ZNF837: variants seen among roughly 807,000 people sequenced by gnomAD.
ZNF837 encodes the protein zinc finger protein 837.
For missense variants in ZNF837, 955 were observed against 801.7 expected (o/e 1.19, Z -2.31); for synonymous variants, 475 against 365.2 (o/e 1.30, Z -3.43).
intron 1 of ZNF837, 104 bp from the exon 2 acceptor site, chr19:58,370,032 C>T (rs1279995687): frequency 6.6e-6 from 1 of 152,214 alleles, no homozygotes; most frequent in Non-Finnish European, 1.5e-5. Context: ...CTGGCGCCTG[C>T]TATTACTATT....
chr19:58,377,083 GGC>G (rs1388165684), intron 1 of ZNF837, among the ~76,000 whole-genome samples: 1 of 151,552 alleles, frequency 6.6e-6, no homozygotes, highest in African/African-American at 2.4e-5. Flanking sequence ...CAGGCGAGGT[GGC>G]GCGCACCTGT....
intron 1 of ZNF837, among the ~76,000 whole-genome samples, chr19:58,375,290 A>ATATATATG (rs1178276785): frequency 5.7e-5 from 4 of 69,626 alleles, no homozygotes; most frequent in African/African-American, 1.7e-4. Context: ...ATATATATAT[A>ATATATATG]TATATATATA....
chr19:58,373,523 T>G (rs1178162446), intron 1 of ZNF837, among the ~76,000 whole-genome samples: 3 of 152,204 alleles, frequency 2.0e-5, no homozygotes, highest in Non-Finnish European at 2.9e-5. Flanking sequence ...AAACATCCCC[T>G]TCCCAAACAC....
rs1349477792 is a variant in ZNF837, at chr19:58,372,189, G to A, written c.-139-2261C>T. On this transcript the variant is annotated intron_variant, in intron 1 of 2. Transcript: ENST00000597582. ...CCTGCCTAAGCCTCCTGAGTAGCTG[G>A]GATTATAGGCATTCACCACCAAGCC... is the stretch of plus-strand genomic sequence containing the variant. Among the ~76,000 whole-genome samples, 5 of 151,992 alleles carry A rather than the reference G, an allele frequency of 3.3e-5. No homozygotes were observed. The East Asian group carries it at 9.7e-4, about 30-fold the overall frequency.
Position 58,367,979 on chromosome 19 carries a change from A to C in ZNF837, c.1354T>G (p.Cys452Gly). The C allele has an allele frequency of 6.5e-7, 1 of 1,532,262 alleles. No individual in the cohort carries two copies. Among genetic ancestry groups the C allele is most frequent in the Non-Finnish European group, 8.7e-7 (1 of 1,143,840 alleles). 94.9% of individuals were successfully genotyped at this position (1,532,262 alleles called of 1,614,324 possible). A position where few individuals can be genotyped will look rare whatever the true frequency, so the allele number is the denominator to read the frequency against. ...GAGCAGCCGCGGAAGGTCTTTCCGC[A>C]CTCGGAGCAGCCATAGGGCCGCTCG... The part of the protein sequence containing the change: ...TGERPYGCSE[C>G]GKTFRGCSEL... The change falls in exon 3 of 3, where the codon TGC becomes GGC. Residue 452 changes from cysteine to glycine, a missense_variant. Cys to Gly is a radical substitution (Grantham distance 159). Coordinates refer to ENST00000597582, the MANE Select transcript of ZNF837 (RefSeq NM_138466.2).
intron 1 of ZNF837, among the ~76,000 whole-genome samples, chr19:58,376,000 C>T (rs1327935720): frequency 6.6e-6 from 1 of 151,882 alleles, no homozygotes. Flanking sequence ...CTCACTGCAA[C>T]CTCTGCCTCC....
At position 58,368,886 on chromosome 19, in the gene ZNF837, C is replaced by T. The variant is rs375869612; in HGVS notation, c.447G>A (p.Pro149=). ...GETPPVCDPC[P]ERIQNHPRTQ... Reference sequence around the variant, plus strand: ...TCCGGGGGTGGTTCTGGATCCGCTCCGGACAGGGGTCACACACGGGTGGCG... The same window carrying T: ...TCCGGGGGTGGTTCTGGATCCGCTCTGGACAGGGGTCACACACGGGTGGCG... The change falls in exon 3 of 3, where the codon CCG becomes CCA. Residue 149 remains proline (P), a synonymous_variant. Transcript: ENST00000597582. 2.5e-5 allele frequency: 38 copies of T among 1,547,964 alleles called. No homozygotes were observed. In the Admixed American group the frequency reaches 7.1e-4, roughly 29 times the overall value.
Position 58,368,447 on chromosome 19 carries a change from C to A in ZNF837, c.886G>T (p.Glu296Ter). 1 of 1,566,110 alleles carries A rather than the reference C, an allele frequency of 6.4e-7. No homozygotes were observed. The highest frequency in any genetic ancestry group is 8.6e-7 in the Non-Finnish European group (1 of 1,157,974). The change falls in exon 3 of 3, where the codon GAG becomes TAG. Residue 296 changes from glutamate to a stop codon, truncating the protein, a stop_gained. Transcript: ENST00000597582. LOFTEE classifies it low-confidence loss of function (END_TRUNC). Reference sequence around the variant, plus strand: ...CACTCGGCGCACTCGTAGGGCCGCTCGCCCGTGTGGATGCGCTGGTGCTGC... The same window carrying A: ...CACTCGGCGCACTCGTAGGGCCGCTAGCCCGTGTGGATGCGCTGGTGCTGC... ...LLQHQRIHTG[E>*]RPYECAECGK...
chr19:58,367,719 ACTCTCGG>A lies in ZNF837; in HGVS notation c.*11_*17del, dbSNP rs1159265635. The stretch of plus-strand genomic sequence containing the variant: ...CAGGGTTCGCTTGGGCGACGCGTCG[ACTCTCGG>A]CTCCCTGCAGTCAAGGCGCGGCGCG... On this transcript the variant is annotated 3_prime_UTR_variant, in exon 3 of 3. Transcript: ENST00000597582. 6.7e-7 allele frequency: 1 copy of A among 1,487,370 alleles called. No individual in the cohort carries two copies. Among genetic ancestry groups the A allele is most frequent in the Admixed American group, 2.4e-5 (1 of 40,908 alleles). The allele number at this position is 1,487,370 out of a possible 1,614,324, so 92.1% of individuals were successfully genotyped here.
chr19:58,376,554 C>CAAAAAAAAAAAAAAAAAAAAA (rs59075587), intron 1 of ZNF837, among the ~76,000 whole-genome samples: 4 of 67,768 alleles, frequency 5.9e-5, no homozygotes, highest in African/African-American at 2.6e-4. Flanking sequence ...GACTCTGTCT[C>CAAAAAAAAAAAAAAAAAAAAA]AAAAAAAAAA....
chr19:58,369,311 C>G lies in ZNF837; in HGVS notation c.22G>C (p.Ala8Pro), dbSNP rs899473185. 11 of 1,373,164 alleles carry G rather than the reference C, an allele frequency of 8.0e-6. No homozygotes were observed. Among genetic ancestry groups the G allele is most frequent in the Non-Finnish European group, 1.0e-5 (11 of 1,068,740 alleles). The allele number at this position is 1,373,164 out of a possible 1,614,324, so 85.1% of individuals were successfully genotyped here. A position where few individuals can be genotyped will look rare whatever the true frequency, so the allele number is the denominator to read the frequency against. MEAPAQKAGQGGLPKADA... is the reference protein window; with the variant it reads MEAPAQKPGQGGLPKADA... Reference sequence around the variant, plus strand: ...GCCTTGGGGAGTCCTCCCTGCCCAGCCTTCTGGGCTGGAGCCTCCATCCTG... The same window carrying G: ...GCCTTGGGGAGTCCTCCCTGCCCAGGCTTCTGGGCTGGAGCCTCCATCCTG... Residue 8 changes from alanine to proline, a missense_variant, in exon 3 of 3, where the codon GCT (alanine) becomes CCT (proline). By Grantham distance (27) the Ala-to-Pro change is conservative. Coordinates refer to ENST00000597582, the MANE Select transcript of ZNF837 (RefSeq NM_138466.2).
intron 1 of ZNF837, among the ~76,000 whole-genome samples, chr19:58,376,554 C>CAAAAAAAAAAAA (rs59075587): frequency 1.2e-4 from 8 of 67,798 alleles, no homozygotes; most frequent in South Asian, 7.6e-4. Context: ...GACTCTGTCT[C>CAAAAAAAAAAAA]AAAAAAAAAA....
chr19:58,367,983 G>C lies in ZNF837; in HGVS notation c.1350C>G (p.Ser450=). The C allele has an allele frequency of 1.3e-6, 2 of 1,532,090 alleles. No homozygotes were observed. The highest frequency in any genetic ancestry group is 2.4e-5 in the South Asian group (2 of 83,792). The allele number at this position is 1,532,090 out of a possible 1,614,324, so 94.9% of individuals were successfully genotyped here. A position where few individuals can be genotyped will look rare whatever the true frequency, so the allele number is the denominator to read the frequency against. Residue 450 remains serine (S), a synonymous_variant, in exon 3 of 3, where the codon TCC becomes TCG. Transcript: ENST00000597582. ...AGCCGCGGAAGGTCTTTCCGCACTC[G>C]GAGCAGCCATAGGGCCGCTCGCCGG... is the stretch of plus-strand genomic sequence containing the variant. ...AHTGERPYGC[S]ECGKTFRGCS...
chr19:58,372,082 T>G (rs1393890506), intron 1 of ZNF837, among the ~76,000 whole-genome samples: 1 of 150,210 alleles, frequency 6.7e-6, no homozygotes, highest in Non-Finnish European at 1.5e-5. Flanking sequence ...GAGACAGGGT[T>G]TCACTCTTGT....
At chr19:58,378,043 C>G (rs2052263593) in intron 1 of ZNF837, among the ~76,000 whole-genome samples, 1 of 152,236 alleles carries the variant, frequency 6.6e-6, no homozygotes, top group Non-Finnish European at 1.5e-5. Flanking sequence ...GTTCCCTCGT[C>G]TACCTCTGAG....
At chr19:58,378,272 C>A (rs2052265391) in intron 1 of ZNF837, among the ~76,000 whole-genome samples, 1 of 152,166 alleles carries the variant, frequency 6.6e-6, no homozygotes, top group Non-Finnish European at 1.5e-5. Flanking sequence ...AGGTCAGGGG[C>A]CCCGCTTTCA....
intron 1 of ZNF837, among the ~76,000 whole-genome samples, chr19:58,372,168 C>T (rs1380755984): frequency 6.6e-6 from 1 of 152,124 alleles, no homozygotes; most frequent in African/African-American, 2.4e-5. Flanking sequence ...AATTCTCCTG[C>T]CTAAGCCTCC....
intron 1 of ZNF837, among the ~76,000 whole-genome samples, chr19:58,374,379 A>ATGGACTTTAATGGATGTG: frequency 6.6e-6 from 1 of 152,372 alleles, no homozygotes; most frequent in South Asian, 2.1e-4. Flanking sequence ...GTACTAACAC[A>ATGGACTTTAATGGATGTG]TACTGCAACA....
chr19:58,377,214 CAAAAA>C (rs59075033), intron 1 of ZNF837, among the ~76,000 whole-genome samples: 1 of 95,042 alleles, frequency 1.1e-5, no homozygotes, highest in Admixed American at 1.3e-4. Flanking sequence ...GAGACTCCGT[CAAAAA>C]AAAAAAAAAA....
Sources: allele counts gnomAD v4.1 joint callset (sites outside exome capture counted in the v4.1 genomes callset), GRCh38; gene constraint gnomAD v4.1.1; transcripts MANE v1.5; gene names NCBI Gene and HGNC (gene_info 2026-07-23, HGNC 2026-07-21).